Variants in KHDRBS1 observed in about 807,000 individuals in gnomAD.
KHDRBS1 encodes KH domain-containing, RNA-binding, signal transduction-associated protein 1.
KHDRBS1 carries 7 observed loss-of-function variants against 48.4 expected under a neutral mutation model. The ratio of observed to expected loss-of-function variants is 0.14; its 90% confidence interval spans 0.08 to 0.27. KHDRBS1 has a LOEUF of 0.27. KHDRBS1 is among the 10% of genes least tolerant of loss of function. KHDRBS1 has a pLI of 1.00. For missense variants in KHDRBS1, 458 were observed against 601.2 expected (o/e 0.76, Z 2.49); for synonymous variants, 241 against 235.8 (o/e 1.02, Z -0.20).
At chr1:32,026,475 A>G (rs1371013631) in intron 1 of KHDRBS1, among the ~76,000 whole-genome samples, 4 of 152,170 alleles carry the variant, frequency 2.6e-5, no homozygotes, top group African/African-American at 9.7e-5. Context: ...TTCTTTAAAA[A>G]GTTGTGAAAT....
Position 32,042,809 on chromosome 1 carries a change from A to C in KHDRBS1, c.*185A>C, listed in dbSNP as rs1639304910. 2.2e-6 allele frequency: 1 copy of C among 464,026 alleles called. No homozygotes were observed. Among genetic ancestry groups the C allele is most frequent in the South Asian group, 4.3e-5 (1 of 23,398 alleles). 28.7% of individuals were successfully genotyped at this position (464,026 alleles called of 1,614,324 possible). On this transcript the variant is annotated 3_prime_UTR_variant, in exon 9 of 9. Transcript: ENST00000327300. ...CTGCATTCTGGCTTCTGTATGTAGT[A>C]TTTTAAAATGAGTTAAAATAGATTT...
chr1:32,049,662 T>A (rs1471269677), intron 10 of KHDRBS1, among the ~76,000 whole-genome samples: 1 of 150,572 alleles, frequency 6.6e-6, no homozygotes, highest in African/African-American at 2.5e-5. Context: ...TTTTTTTATT[T>A]TTTATTTTTT....
chr1:32,035,917 C>T (rs1014735052), intron 4 of KHDRBS1, among the ~76,000 whole-genome samples: 1 of 152,100 alleles, frequency 6.6e-6, no homozygotes, highest in Non-Finnish European at 1.5e-5. Flanking sequence ...TCAAGAGACA[C>T]TTATTTAGGC....
chr1:32,021,323 A>G lies in KHDRBS1; in HGVS notation c.382+6946A>G, dbSNP rs985632225. ...TCTATACCCATAGCCAATATTGTAT[A>G]TAATATATTATGAGTTTATATTTTT... On this transcript the variant is annotated intron_variant, in intron 1 of 8. Transcript: ENST00000327300. Among the ~76,000 whole-genome samples, 8 of 152,050 alleles carry G rather than the reference A, an allele frequency of 5.3e-5. No homozygotes were observed. In the East Asian group the frequency reaches 7.7e-4, roughly 15 times the overall value.
intron 1 of KHDRBS1, among the ~76,000 whole-genome samples, chr1:32,029,944 A>G (rs1174479283): frequency 2.0e-5 from 3 of 152,292 alleles, no homozygotes; most frequent in East Asian, 3.9e-4. Context: ...TTTCAAGGTA[A>G]GATTATACTT....
At chr1:32,040,541 A>G (rs1290921128) in intron 8 of KHDRBS1, among the ~76,000 whole-genome samples, 1 of 152,118 alleles carries the variant, frequency 6.6e-6, no homozygotes. Context: ...ATCCCAAGAG[A>G]GCTATGGAGG....
chr1:32,018,372 G>A (rs57325965), intron 1 of KHDRBS1, among the ~76,000 whole-genome samples: 9,178 of 152,124 alleles, frequency 0.06, 938 homozygotes, highest in African/African-American at 0.21. Flanking sequence ...AAGGCAGGAA[G>A]ATCATTTGAA....
In KHDRBS1 at chr1:32,037,060, C is replaced by A; in HGVS notation, c.905+17C>A. 6.2e-7 allele frequency: 1 copy of A among 1,611,770 alleles called. No homozygotes were observed. The highest frequency in any genetic ancestry group is 8.5e-7 in the Non-Finnish European group (1 of 1,178,956). ...TGTTCCCAGGTAAAAATAATGGAGA[C>A]ACCCAGAAATAGGATGTGAATTTGA... On this transcript the variant is annotated intron_variant, in intron 5 of 8. Transcript: ENST00000327300.
chr1:32,028,477 C>CGT (rs1202478243), intron 1 of KHDRBS1, among the ~76,000 whole-genome samples: 1 of 143,476 alleles, frequency 7.0e-6, no homozygotes, highest in East Asian at 2.0e-4. Flanking sequence ...TATATATACA[C>CGT]GTATATATAT....
At chr1:32,031,714 A>G (rs1398100182) in intron 3 of KHDRBS1, 74 bp downstream of exon 3, 2 of 915,872 alleles carry the variant, frequency 2.2e-6, no homozygotes, top group Non-Finnish European at 3.3e-6. Flanking sequence ...TGGATGTCTT[A>G]TAGAGGCGGC....
intron 10 of KHDRBS1, among the ~76,000 whole-genome samples, chr1:32,054,040 C>T (rs1639452401): frequency 1.3e-5 from 2 of 151,914 alleles, no homozygotes; most frequent in South Asian, 2.1e-4. Flanking sequence ...GCCAAGATAG[C>T]GCCATTGCAC....
chr1:32,020,616 TA>T (rs970503623), intron 1 of KHDRBS1, among the ~76,000 whole-genome samples: 5,932 of 77,400 alleles, frequency 0.077, 243 homozygotes, highest in African/African-American at 0.17. Context: ...TACTGTGCAA[TA>T]AAAAAAAAAA....
Position 32,035,337 on chromosome 1 carries a change from C to G in KHDRBS1, c.772-1573C>G, listed in dbSNP as rs116816579. Among the ~76,000 whole-genome samples, 579 of 152,168 alleles carry G rather than the reference C, an allele frequency of 3.8e-3. 4 individuals carry two copies. Among genetic ancestry groups the G allele is most frequent in the African/African-American group, 0.013 (539 of 41,510 alleles). On this transcript the variant is annotated intron_variant, in intron 4 of 8. Coordinates refer to ENST00000327300, the MANE Select transcript of KHDRBS1 (RefSeq NM_006559.3). ...TTACTTGATTCTCCAAGGTGTGAGT[C>G]TCAAGCAGCGGTAATGTGTAAGGTA...
At chr1:32,037,193 T>C in intron 5 of KHDRBS1, 150 bp downstream of exon 5, 1 of 881,484 alleles carries the variant, frequency 1.1e-6, no homozygotes, top group African/African-American at 1.7e-5. Flanking sequence ...CTCTCACACC[T>C]GTAATCCCAG....
rs141474305 is a variant in KHDRBS1 at position 32,032,607 on chromosome 1, A to C, written c.625-581A>C. ...GCTTTTAGTAGGAGCTCCAATGGAT[A>C]TCTCAGGGATTTAAGACAACAATTA... On this transcript the variant is annotated intron_variant, in intron 3 of 8. Transcript: ENST00000327300. 1.6e-3 allele frequency among the ~76,000 whole-genome samples: 240 copies of C among 152,266 alleles called. 1 individual carries two copies. The highest frequency in any genetic ancestry group is 5.4e-3 in the African/African-American group (225 of 41,554).
chr1:32,037,010 G>A lies in KHDRBS1; in HGVS notation c.872G>A (p.Arg291Gln), dbSNP rs1299359873. 14 of 1,613,812 alleles carry A rather than the reference G, an allele frequency of 8.7e-6. No homozygotes were observed. The highest frequency in any genetic ancestry group is 1.3e-5 in the African/African-American group (1 of 74,890). ...GGACGTGGGGTGCCAGTGAGAGGCC[G>A]GGGAGCTGCACCTCCTCCACCACCT... The part of the protein sequence containing the change: ...SRGRGVPVRG[R>Q]GAAPPPPPVP... The change falls in exon 5 of 9, where the codon CGG (arginine) becomes CAG (glutamine). Residue 291 changes from arginine to glutamine, a missense_variant. This residue lies in a region of KHDRBS1 where 171 missense variants were observed against 228.7 expected (regional missense o/e 0.75). Coordinates refer to ENST00000327300, the MANE Select transcript of KHDRBS1 (RefSeq NM_006559.3).
chr1:32,056,014 C>T (rs58215179), intron 10 of KHDRBS1, among the ~76,000 whole-genome samples: 218 of 152,200 alleles, frequency 1.4e-3, no homozygotes, highest in African/African-American at 4.5e-3. Context: ...GTATACAGCT[C>T]TCTTCTAAAA....
intron 1 of KHDRBS1, among the ~76,000 whole-genome samples, chr1:32,024,026 T>C (rs1310020721): frequency 1.3e-5 from 2 of 152,138 alleles, no homozygotes; most frequent in Non-Finnish European, 2.9e-5. Flanking sequence ...CCAAGGTGGG[T>C]GGATCACCTG....
chr1:32,029,861 C>G (rs1373451600), intron 1 of KHDRBS1, among the ~76,000 whole-genome samples: 1 of 152,050 alleles, frequency 6.6e-6, no homozygotes, highest in Non-Finnish European at 1.5e-5. Flanking sequence ...GGACTAGTAT[C>G]TAGAGTACTA....
Sources: gnomAD v4.1 joint callset for allele counts (sites outside exome capture counted in the v4.1 genomes callset) on GRCh38, gnomAD v4.1.1 for gene constraint, gnomAD v4.1.1 regional missense constraint, MANE v1.5 for transcripts, NCBI Gene and HGNC (gene_info 2026-07-23, HGNC 2026-07-21) for gene names.